ATOSA: variants seen among roughly 807,000 people sequenced by gnomAD.
The protein encoded by ATOSA is atos homolog A.
the ATOSA span, among the ~76,000 whole-genome samples, chr15:52,653,705 C>A: frequency 2.1e-4 from 32 of 152,164 alleles, no homozygotes; most frequent in Non-Finnish European, 2.9e-5. Flanking sequence ...GTCACAGGCC[C>A]ACTGTACTTT....
chr15:52,702,302 T>G, the ATOSA span, among the ~76,000 whole-genome samples: 1 of 152,142 alleles, frequency 6.6e-6, no homozygotes, highest in Non-Finnish European at 1.5e-5. Context: ...AAAAGACACA[T>G]GCACTCACAT....
At chr15:52,674,815 T>A in the ATOSA span, among the ~76,000 whole-genome samples, 1 of 151,566 alleles carries the variant, frequency 6.6e-6, no homozygotes, top group Non-Finnish European at 1.5e-5. Flanking sequence ...TGCTTATATA[T>A]AAGCTTATAT....
At chr15:52,604,027 TAATC>T in the ATOSA span, among the ~76,000 whole-genome samples, 4 of 152,230 alleles carry the variant, frequency 2.6e-5, no homozygotes, top group Admixed American at 1.3e-4. Flanking sequence ...AAGTGATAGA[TAATC>T]CATTTACTCC....
chr15:52,685,878 C>T, the ATOSA span, among the ~76,000 whole-genome samples: 61 of 152,148 alleles, frequency 4.0e-4, no homozygotes, highest in African/African-American at 1.3e-3. Flanking sequence ...CACCATGCCC[C>T]GCTAATTTTT....
At chr15:52,671,685 T>G in the ATOSA span, among the ~76,000 whole-genome samples, 1 of 152,024 alleles carries the variant, frequency 6.6e-6, no homozygotes, top group Admixed American at 6.6e-5. Context: ...GCAATTAACA[T>G]TCACTGAGCA....
At chr15:52,627,624 A>C in the ATOSA span, among the ~76,000 whole-genome samples, 1 of 152,136 alleles carries the variant, frequency 6.6e-6, no homozygotes, top group Non-Finnish European at 1.5e-5. Flanking sequence ...TCAGCCCTAC[A>C]TTAAGGGAGA....
chr15:52,660,080 T>C, the ATOSA span, among the ~76,000 whole-genome samples: 12 of 152,320 alleles, frequency 7.9e-5, no homozygotes, highest in Admixed American at 7.2e-4. Flanking sequence ...GTGAATTTTG[T>C]ATTTCATGAA....
chr15:52,582,123 C>T, the ATOSA span: 1 of 1,506,094 alleles, frequency 6.6e-7, no homozygotes, highest in Non-Finnish European at 8.8e-7. Flanking sequence ...AACTTGGGTA[C>T]TGAGTAAATA....
At chr15:52,677,046 T>C in the ATOSA span, among the ~76,000 whole-genome samples, 18 of 152,192 alleles carry the variant, frequency 1.2e-4, no homozygotes, top group Non-Finnish European at 1.5e-4. Flanking sequence ...TCCAATTCCT[T>C]CTGGTGCATT....
chr15:52,598,754 T>C, the ATOSA span: 1 of 152,210 alleles, frequency 6.6e-6, no homozygotes, highest in Admixed American at 6.5e-5. Flanking sequence ...GGTTTGCATA[T>C]TGTCCCCTTC....
the ATOSA span, among the ~76,000 whole-genome samples, chr15:52,618,205 A>AT: frequency 4.1e-3 from 621 of 151,856 alleles, 2 homozygotes; most frequent in African/African-American, 0.014. Context: ...CGTCTGGCTA[A>AT]TTTTTTTGTA....
At chr15:52,630,580 A>G in the ATOSA span, among the ~76,000 whole-genome samples, 35 of 152,332 alleles carry the variant, frequency 2.3e-4, no homozygotes, top group African/African-American at 7.9e-4. Context: ...GTGGTCATAC[A>G]CTGCTAGTAA....
At chr15:52,662,683 T>C in the ATOSA span, among the ~76,000 whole-genome samples, 1 of 146,294 alleles carries the variant, frequency 6.8e-6, no homozygotes, top group African/African-American at 2.6e-5. Context: ...GGCAGGAGAA[T>C]GGCGTGAACC....
chr15:52,610,404 A>G, the ATOSA span: 2 of 1,581,700 alleles, frequency 1.3e-6, no homozygotes, highest in Non-Finnish European at 8.6e-7. Flanking sequence ...ACAGAAAAAT[A>G]CTGTATTATT....
the ATOSA span, among the ~76,000 whole-genome samples, chr15:52,635,423 T>G: frequency 1.3e-5 from 2 of 152,196 alleles, no homozygotes; most frequent in Non-Finnish European, 2.9e-5. Flanking sequence ...CAAGGTGCAG[T>G]GGCTCACACC....
chr15:52,604,454 GTGGCAAATT>G, the ATOSA span, among the ~76,000 whole-genome samples: 1 of 152,206 alleles, frequency 6.6e-6, no homozygotes, highest in Non-Finnish European at 1.5e-5. Context: ...AAATACGTTT[GTGGCAAATT>G]ACACGGATTT....
chr15:52,686,136 G>A, the ATOSA span, among the ~76,000 whole-genome samples: 1 of 152,116 alleles, frequency 6.6e-6, no homozygotes, highest in Non-Finnish European at 1.5e-5. Context: ...AGCAGTGATG[G>A]GTAGACTTCA....
the ATOSA span, among the ~76,000 whole-genome samples, chr15:52,651,023 A>G: frequency 6.7e-6 from 1 of 150,372 alleles, no homozygotes; most frequent in African/African-American, 2.5e-5. Context: ...TCCAGATCCT[A>G]TATAAACAAA....
At chr15:52,657,408 A>G in the ATOSA span, 14 of 152,284 alleles carry the variant, frequency 9.2e-5, no homozygotes, top group African/African-American at 2.9e-4. Flanking sequence ...CATTTTTTAA[A>G]ATTTGCTTAT....
Sources: gnomAD v4.1 joint callset for allele counts (sites outside exome capture counted in the v4.1 genomes callset) on GRCh38, gnomAD v4.1.1 for gene constraint, MANE v1.5 for transcripts, NCBI Gene and HGNC (gene_info 2026-07-23, HGNC 2026-07-21) for gene names.